The following SLC35E4 variants were observed in gnomAD, a reference collection of about 807,000 sequenced individuals.
SLC35E4 encodes solute carrier family 35, member E4.
In SLC35E4, 15 loss-of-function variants were observed where a neutral mutation model predicts 19.3. The observed-to-expected ratio is 0.78, with a 90% confidence interval of 0.52 to 1.20. The LOEUF is 1.20. SLC35E4 is among the 50% of genes most tolerant of loss of function. The pLI is 0.00. For synonymous variants in SLC35E4, 219 were observed against 219.9 expected, an observed-to-expected ratio of 1.00 and a Z score of 0.04; for missense variants, 406 against 472.3, an observed-to-expected ratio of 0.86 and a Z score of 1.30.
chr22:30,660,311 A>T (rs9609036), intron 2 of SLC35E4, among the ~76,000 whole-genome samples: 136 of 151,128 alleles, frequency 9.0e-4, no homozygotes, highest in Middle Eastern at 3.4e-3. Context: ...AGAGAAAAAA[A>T]TTTTTTTTTT....
intron 2 of SLC35E4, among the ~76,000 whole-genome samples, chr22:30,658,111 ATT>A (rs997985700): frequency 4.8e-5 from 7 of 146,268 alleles, no homozygotes; most frequent in African/African-American, 7.5e-5. Flanking sequence ...TTCAAAATAA[ATT>A]TTTTTTTTTA....
downstream of SLC35E4, among the ~76,000 whole-genome samples, chr22:30,652,851 T>C (rs2088249760): frequency 1.3e-5 from 2 of 152,226 alleles, no homozygotes; most frequent in African/African-American, 4.8e-5. Context: ...ATCTTATTGG[T>C]TACAAGTCTA....
intron 2 of SLC35E4, among the ~76,000 whole-genome samples, chr22:30,655,790 G>A (rs2088328158): frequency 6.6e-6 from 1 of 152,038 alleles, no homozygotes; most frequent in Admixed American, 6.6e-5. Flanking sequence ...CAAAATTTCA[G>A]AAAAATTCCA....
intron 1 of SLC35E4, among the ~76,000 whole-genome samples, chr22:30,637,322 AC>A (rs765922811): frequency 1.2e-4 from 19 of 152,158 alleles, no homozygotes; most frequent in Non-Finnish European, 2.1e-4. Context: ...TGGCTCTGTC[AC>A]CCAGGCTGCA....
At chr22:30,637,927 G>C (rs2087976343) in intron 1 of SLC35E4, among the ~76,000 whole-genome samples, 1 of 152,196 alleles carries the variant, frequency 6.6e-6, no homozygotes, top group Non-Finnish European at 1.5e-5. Flanking sequence ...AAGGTCAGGG[G>C]TCAGGTCTAA....
intron 2 of SLC35E4, among the ~76,000 whole-genome samples, chr22:30,658,358 A>G (rs1179976541): frequency 7.9e-5 from 12 of 151,510 alleles, no homozygotes; most frequent in Admixed American, 7.9e-4. Context: ...GGGCAACACA[A>G]TGAGACTCTG....
downstream of SLC35E4, among the ~76,000 whole-genome samples, chr22:30,650,931 G>A (rs1274190440): frequency 1.3e-5 from 2 of 151,904 alleles, no homozygotes; most frequent in Non-Finnish European, 2.9e-5. Context: ...CCTGTCTCAG[G>A]CCTAGCTGCC....
intron 2 of SLC35E4, among the ~76,000 whole-genome samples, chr22:30,654,984 A>T (rs529045779): frequency 6.6e-6 from 1 of 152,130 alleles, no homozygotes; most frequent in South Asian, 2.1e-4. Context: ...AAGCCCAAAG[A>T]ATAGAAAGAA....
At chr22:30,662,286 A>C (rs1363650503) in exon 3 of SLC35E4, 3 of 152,252 alleles carry the variant, frequency 2.0e-5, no homozygotes, top group Admixed American at 6.5e-5. Flanking sequence ...GTCATTGGAC[A>C]GATGAGGACA....
chr22:30,650,484 A>G (rs1410626141), downstream of SLC35E4, among the ~76,000 whole-genome samples: 1 of 152,178 alleles, frequency 6.6e-6, no homozygotes, highest in Non-Finnish European at 1.5e-5. Flanking sequence ...TGACAGAATG[A>G]GACTCCATCT....
intron 1 of SLC35E4, among the ~76,000 whole-genome samples, chr22:30,640,971 A>T (rs1022354698): frequency 2.0e-5 from 3 of 152,168 alleles, no homozygotes; most frequent in African/African-American, 7.2e-5. Flanking sequence ...CAGAGGCCCT[A>T]TCTCTATCCT....
At chr22:30,656,581 G>T (rs5753263) in intron 2 of SLC35E4, among the ~76,000 whole-genome samples, 134,934 of 152,228 alleles carry the variant, frequency 0.89, 59,811 homozygotes, top group East Asian at 1. Flanking sequence ...AGCCAGGCTG[G>T]TAGGCTATGG....
chr22:30,638,293 A>T (rs2087981708), intron 1 of SLC35E4, among the ~76,000 whole-genome samples: 1 of 149,448 alleles, frequency 6.7e-6, no homozygotes, highest in African/African-American at 2.5e-5. Context: ...TGAGGTCAGA[A>T]GTTCAAGAAC....
At chr22:30,665,036 AGTC>A (rs1205634409), downstream of SLC35E4, 1 of 152,834 alleles carries the variant, frequency 6.5e-6, no homozygotes, top group African/African-American at 2.4e-5. Flanking sequence ...CAGACCGTGC[AGTC>A]GTCGGTGCTC....
chr22:30,636,107 G>T lies in SLC35E4; in HGVS notation c.-344G>T. On this transcript the variant is annotated 5_prime_UTR_variant, in exon 1 of 2. An upstream open reading frame in the 5' UTR gains an earlier in-frame stop. Transcript: ENST00000343605. ...GACCTGGGGACTGAAGAGAAAAAAG[G>T]AACGAGGATTTCATCTAAAAGCATA... 3.6e-6 allele frequency: 1 copy of T among 280,016 alleles called. No homozygotes were observed. 17.3% of individuals were successfully genotyped at this position (280,016 alleles called of 1,614,324 possible). A position where few individuals can be genotyped will look rare whatever the true frequency, so the allele number is the denominator to read the frequency against.
rs190122162 is a variant in SLC35E4, at chr22:30,662,001, G to A, written c.*9-59G>A. 9 of 150,782 alleles carry A rather than the reference G, an allele frequency of 6.0e-5. No homozygotes were observed. The East Asian group carries it at 1.6e-3, about 26-fold the overall frequency. The allele number at this position is 150,782 out of a possible 1,614,324, so 9.3% of individuals were successfully genotyped here. A position where few individuals can be genotyped will look rare whatever the true frequency, so the allele number is the denominator to read the frequency against. On this transcript the variant is annotated intron_variant, in intron 2 of 2. Coordinates refer to the SLC35E4 transcript ENST00000406566. ...AAAAGGCTCTAAGTCTAGGCCTCCT[G>A]TGAGGTAGGGTCTGAAAGGACTTAA...
At position 30,647,244 on chromosome 22, in the gene SLC35E4, A is replaced by G. The variant is rs2088149987; in HGVS notation, c.*213A>G. On this transcript the variant is annotated 3_prime_UTR_variant, in exon 2 of 2. Coordinates refer to ENST00000343605, the MANE Select transcript of SLC35E4 (RefSeq NM_001001479.4). ...AAAACCTCATCTCTACTAAAAATAGAAAAATTAGCTGGGCATGGTGGCGCG... is the reference window on the plus strand; with the variant it reads ...AAAACCTCATCTCTACTAAAAATAGGAAAATTAGCTGGGCATGGTGGCGCG... The G allele has an allele frequency of 3.3e-6, 2 of 609,594 alleles. No homozygotes were observed. The highest frequency in any genetic ancestry group is 4.4e-5 in the South Asian group (2 of 45,066). 37.8% of individuals were successfully genotyped at this position (609,594 alleles called of 1,614,324 possible). A position where few individuals can be genotyped will look rare whatever the true frequency, so the allele number is the denominator to read the frequency against.
chr22:30,657,481 G>A (rs368611363), intron 2 of SLC35E4, among the ~76,000 whole-genome samples: 13 of 151,012 alleles, frequency 8.6e-5, no homozygotes, highest in African/African-American at 2.7e-4. Flanking sequence ...AATTCTGGCC[G>A]GGTGTAGTGG....
At chr22:30,657,327 C>A (rs528483451) in intron 2 of SLC35E4, among the ~76,000 whole-genome samples, 1 of 151,138 alleles carries the variant, frequency 6.6e-6, no homozygotes, top group African/African-American at 2.4e-5. Flanking sequence ...GGCGTGGGGG[C>A]GGGCACCTGT....
Sources: gnomAD v4.1 joint callset for allele counts (sites outside exome capture counted in the v4.1 genomes callset) on GRCh38, gnomAD v4.1.1 for gene constraint, MANE v1.5 for transcripts, NCBI Gene and HGNC (gene_info 2026-07-23, HGNC 2026-07-21) for gene names.